XRN1: variants seen among roughly 807,000 people sequenced by gnomAD.
XRN1 encodes strand-exchange protein 1 homolog.
In XRN1, 67 loss-of-function variants were observed where a neutral mutation model predicts 222.3. The ratio of observed to expected loss-of-function variants is 0.30; its 90% CI spans 0.25 to 0.37. The LOEUF (loss-of-function observed/expected upper bound fraction) is 0.37. Ranked by LOEUF, XRN1 falls within the 10% of genes least tolerant of loss-of-function variation. The pLI is 1.00. For synonymous variants in XRN1, 643 were observed against 652.4 expected (o/e 0.99, Z 0.22); for missense variants, 1,707 against 2,000.2 (o/e 0.85, Z 2.80).
At chr3:142,312,949 A>G (rs2065116682) in intron 39 of XRN1, among the ~76,000 whole-genome samples, 191 bp from the exon 40 acceptor site, 1 of 151,930 alleles carries the variant, frequency 6.6e-6, no homozygotes, top group African/African-American at 2.4e-5. Context: ...GACTGTGTGG[A>G]CTATCTACAC....
rs139635874 is a variant in XRN1 at position 142,383,410 on chromosome 3, T to C, written c.2506A>G (p.Ile836Val). 1.5e-5 allele frequency: 24 copies of C among 1,606,700 alleles called. No homozygotes were observed. The African/African-American group carries it at 2.4e-4, about 16-fold the overall frequency. Reference protein sequence around the residue: ...PFVYQTIVKDIRAFDSRFSNI... With the variant: ...PFVYQTIVKDVRAFDSRFSNI... ...GAGAAACGGGAGTCGAAAGCTCGGA[T>C]GTCCTACATAAAATAAAAGTAAATA... The change falls in exon 22 of 41, where the codon ATC (isoleucine) becomes GTC (valine). Residue 836 changes from isoleucine to valine, a missense_variant. Ile to Val is a conservative substitution (Grantham distance 29). This residue lies in a region of XRN1 where 1,234 missense variants were observed against 1,518.2 expected (regional missense o/e 0.81). Coordinates refer to ENST00000392981, the MANE Select transcript of XRN1 (RefSeq NM_001282857.2).
chr3:142,327,810 T>G (rs1577226453), intron 37 of XRN1, among the ~76,000 whole-genome samples: 1 of 152,144 alleles, frequency 6.6e-6, no homozygotes, highest in East Asian at 1.9e-4. Flanking sequence ...AGCCATTAAG[T>G]AATTTCTCAC....
intron 20 of XRN1, among the ~76,000 whole-genome samples, chr3:142,394,427 T>C (rs1213373825): frequency 6.6e-6 from 1 of 152,206 alleles, no homozygotes; most frequent in Non-Finnish European, 1.5e-5. Flanking sequence ...TTCTACCACA[T>C]TTTCCTGATA....
rs1219768078 is a variant in XRN1 at position 142,447,436 on chromosome 3, C to G, written c.75+434G>C. On this transcript the variant is annotated intron_variant, in intron 1 of 40. Transcript: ENST00000392981. This position sits in a 1 kb window ranked among gnomAD's most constrained non-coding sequence, Gnocchi z 4.2. Reference sequence around the variant, plus strand: ...GGAAAGTAAACAAGGTGACTGCGTGCGGAAGCGGCTGTTATCGTCTGTAAG... The same window carrying G: ...GGAAAGTAAACAAGGTGACTGCGTGGGGAAGCGGCTGTTATCGTCTGTAAG... Among the ~76,000 whole-genome samples the G allele has an allele frequency of 1.3e-5, 2 of 152,170 alleles. No homozygotes were observed. Among genetic ancestry groups the G allele is most frequent in the Middle Eastern group, 3.2e-3 (1 of 316 alleles).
chr3:142,440,555 A>G (rs1401564241), intron 1 of XRN1, among the ~76,000 whole-genome samples: 1 of 151,970 alleles, frequency 6.6e-6, no homozygotes, highest in Non-Finnish European at 1.5e-5. Context: ...CCCAACAAGG[A>G]CTCCAAAAGA....
At chr3:142,313,213 A>G in intron 39 of XRN1, 1 of 1,590,076 alleles carries the variant, frequency 6.3e-7, no homozygotes, top group African/African-American at 1.4e-5. Flanking sequence ...CTGAAATCTC[A>G]TCACCTTCAT....
At chr3:142,399,085 G>A (rs1359195029) in intron 19 of XRN1, among the ~76,000 whole-genome samples, 1 of 151,850 alleles carries the variant, frequency 6.6e-6, no homozygotes, top group African/African-American at 2.4e-5. Flanking sequence ...TGTGTTCATG[G>A]ATAAGAATAT....
Position 142,443,587 on chromosome 3 carries a change from G to A in XRN1, c.75+4283C>T, listed in dbSNP as rs144447489. Among the ~76,000 whole-genome samples the A allele has an allele frequency of 2.2e-3, 329 of 152,266 alleles. 1 individual carries two copies. Among genetic ancestry groups the A allele is most frequent in the Admixed American group, 3.7e-3 (57 of 15,300 alleles). ...CAAGCCGGCAACAGCAACCCCCTTC[G>A]GGTCCCCTCCTTTTGTATGGGAGCT... On this transcript the variant is annotated intron_variant, in intron 1 of 40. Transcript: ENST00000392981.
Position 142,346,232 on chromosome 3 carries a change from A to G in XRN1, c.3877+1002T>C, listed in dbSNP as rs1559803146. On this transcript the variant is annotated intron_variant, in intron 33 of 40. Transcript: ENST00000392981. ...GAAGTACTGATACAGTTGTCCCTCCATATCTGTGGAAGATTGCTTCCAAGA... is the reference window on the plus strand; with the variant it reads ...GAAGTACTGATACAGTTGTCCCTCCGTATCTGTGGAAGATTGCTTCCAAGA... 2.0e-5 allele frequency among the ~76,000 whole-genome samples: 3 copies of G among 152,212 alleles called. No homozygotes were observed. In the South Asian group the frequency reaches 6.2e-4, roughly 31 times the overall value.
intron 3 of XRN1, among the ~76,000 whole-genome samples, 192 bp from the exon 4 acceptor site, chr3:142,425,730 T>G (rs970510275): frequency 6.6e-6 from 1 of 152,118 alleles, no homozygotes; most frequent in Non-Finnish European, 1.5e-5. Flanking sequence ...ATATCACAAC[T>G]GTTTCTAATG....
At chr3:142,383,242 G>A in intron 22 of XRN1, 58 bp downstream of exon 22, 2 of 1,308,420 alleles carry the variant, frequency 1.5e-6, no homozygotes, top group Non-Finnish European at 2.2e-6. Flanking sequence ...ATGAAGAGAA[G>A]TTAAGTAACT....
chr3:142,424,610 G>A (rs2069174097), intron 5 of XRN1, among the ~76,000 whole-genome samples: 1 of 152,080 alleles, frequency 6.6e-6, no homozygotes, highest in Non-Finnish European at 1.5e-5. Context: ...TGATGGCATT[G>A]TGGTTATATA....
At chr3:142,410,200 G>C (rs2068510347) in intron 15 of XRN1, among the ~76,000 whole-genome samples, 1 of 152,130 alleles carries the variant, frequency 6.6e-6, no homozygotes, top group African/African-American at 2.4e-5. Flanking sequence ...CAGGAAATTG[G>C]TCCTTCTTTT....
chr3:142,357,280 T>C (rs894213984), intron 30 of XRN1, among the ~76,000 whole-genome samples, 161 bp from the exon 31 acceptor site: 7 of 152,174 alleles, frequency 4.6e-5, no homozygotes, highest in Non-Finnish European at 2.9e-5. Flanking sequence ...GCTCAATTTA[T>C]AAGATGATGT....
intron 20 of XRN1, among the ~76,000 whole-genome samples, chr3:142,389,514 C>G (rs2067637810): frequency 6.6e-6 from 1 of 152,068 alleles, no homozygotes; most frequent in African/African-American, 2.4e-5. Flanking sequence ...TTCAATTCAC[C>G]TTGCTCAGAT....
At chr3:142,329,807 A>C (rs1376879507) in intron 36 of XRN1, among the ~76,000 whole-genome samples, 192 bp from the exon 37 acceptor site, 1 of 152,184 alleles carries the variant, frequency 6.6e-6, no homozygotes. Flanking sequence ...GGACTCTAGC[A>C]GTACAACCTG....
intron 36 of XRN1, 94 bp downstream of exon 36, chr3:142,332,281 A>G: frequency 1.0e-6 from 1 of 980,858 alleles, no homozygotes; most frequent in Non-Finnish European, 1.5e-6. Flanking sequence ...TTAAAATAAA[A>G]GCAGTTTTAT....
rs1414654697 is a variant in XRN1, at chr3:142,308,150, C to T, written c.*3361G>A. 1 of 152,108 alleles carries T rather than the reference C, an allele frequency of 6.6e-6. No individual in the cohort carries two copies. The highest frequency in any genetic ancestry group is 1.9e-4 in the East Asian group (1 of 5,208). The allele number at this position is 152,108 out of a possible 1,614,324, so 9.4% of individuals were successfully genotyped here. A position where few individuals can be genotyped will look rare whatever the true frequency, so the allele number is the denominator to read the frequency against. ...CCACTATAAACAGTTATGACTAACA[C>T]AAATAGAACACATAAATAAAAAGTG... On this transcript the variant is annotated 3_prime_UTR_variant, in exon 41 of 41. Transcript: ENST00000392981.
At chr3:142,410,946 G>GA (rs1425178554) in intron 15 of XRN1, among the ~76,000 whole-genome samples, 1 of 152,154 alleles carries the variant, frequency 6.6e-6, no homozygotes, top group African/African-American at 2.4e-5. Context: ...TCTGTTTTCT[G>GA]AAAGTTTGTG....
Sources: allele counts gnomAD v4.1 joint callset (sites outside exome capture counted in the v4.1 genomes callset), GRCh38; gene constraint gnomAD v4.1.1; regional missense constraint gnomAD v4.1.1; non-coding constraint Gnocchi (gnomAD v3.1); transcripts MANE v1.5; gene names NCBI Gene and HGNC (gene_info 2026-07-23, HGNC 2026-07-21).